The following CXADR variants were observed in gnomAD, a reference collection of about 807,000 sequenced individuals.
CXADR encodes coxsackievirus and adenovirus receptor.
Under a neutral mutation model 40.3 loss-of-function variants are expected in CXADR, and 20 were observed. That is an observed-to-expected ratio of 0.50 (90% CI 0.35 to 0.72). The LOEUF (loss-of-function observed/expected upper bound fraction) is 0.72. CXADR is among the 30% of genes least tolerant of loss of function. CXADR has a pLI of 0.01. For synonymous variants in CXADR, 150 were observed against 161.3 expected, an observed-to-expected ratio of 0.93 and a Z score of 0.53; for missense variants, 332 against 449.1, an observed-to-expected ratio of 0.74 and a Z score of 2.36.
chr21:17,626,693 C>G, the CXADR span, among the ~76,000 whole-genome samples: 5 of 152,172 alleles, frequency 3.3e-5, no homozygotes, highest in African/African-American at 1.2e-4. Context: ...GCACTTGAGT[C>G]AGCAAGTGCA....
At chr21:17,565,059 A>G (rs534748566) in intron 6 of CXADR, among the ~76,000 whole-genome samples, 61 of 152,180 alleles carry the variant, frequency 4.0e-4, no homozygotes, top group Non-Finnish European at 7.1e-4. Flanking sequence ...TGTTTTCTCA[A>G]CTATAAAGTG....
At chr21:17,610,180 A>G in the CXADR span, among the ~76,000 whole-genome samples, 2 of 152,242 alleles carry the variant, frequency 1.3e-5, no homozygotes, top group South Asian at 4.1e-4. Context: ...GGAAACCAAG[A>G]AAAGGAGCAT....
intron 7 of CXADR, among the ~76,000 whole-genome samples, chr21:17,578,853 TAC>T (rs1429464245): frequency 5.9e-5 from 9 of 152,066 alleles, no homozygotes; most frequent in African/African-American, 2.2e-4. Flanking sequence ...AAGGAAGCAG[TAC>T]ATTTTGCATA....
At chr21:17,629,285 T>A in the CXADR span, among the ~76,000 whole-genome samples, 1 of 145,890 alleles carries the variant, frequency 6.9e-6, no homozygotes, top group Non-Finnish European at 1.5e-5. Flanking sequence ...GAGGCTGAAG[T>A]GGAAGGATCG....
chr21:17,535,541 G>T (rs1377564494), intron 1 of CXADR, among the ~76,000 whole-genome samples: 1 of 152,200 alleles, frequency 6.6e-6, no homozygotes, highest in Middle Eastern at 3.4e-3. Flanking sequence ...TTCGAATTCA[G>T]CATTCACATT....
chr21:17,537,784 A>G (rs1294858121), intron 1 of CXADR, among the ~76,000 whole-genome samples: 1 of 152,126 alleles, frequency 6.6e-6, no homozygotes, highest in Non-Finnish European at 1.5e-5. Context: ...ACCAGTGATG[A>G]TCAAGAACAG....
chr21:17,558,386 G>T (rs1254429724), intron 3 of CXADR, among the ~76,000 whole-genome samples: 1 of 152,052 alleles, frequency 6.6e-6, no homozygotes, highest in Non-Finnish European at 1.5e-5. Flanking sequence ...CACTGTCTTG[G>T]CCTCCAAAGT....
intron 1 of CXADR, among the ~76,000 whole-genome samples, chr21:17,536,498 C>G (rs1180125766): frequency 6.6e-6 from 1 of 152,074 alleles, no homozygotes; most frequent in East Asian, 1.9e-4. Context: ...TCAGATAGCT[C>G]CTTCCTTTCA....
downstream of CXADR, among the ~76,000 whole-genome samples, chr21:17,598,051 C>T (rs1414190347): frequency 6.6e-6 from 1 of 152,058 alleles, no homozygotes; most frequent in Non-Finnish European, 1.5e-5. Context: ...GTTTGGTCAA[C>T]AATTTTTTAA....
At chr21:17,597,156 T>A (rs1457643917), downstream of CXADR, among the ~76,000 whole-genome samples, 1 of 152,084 alleles carries the variant, frequency 6.6e-6, no homozygotes, top group African/African-American at 2.4e-5. Context: ...ACCTTTCTGT[T>A]ATCCTAATAG....
rs1376145221 is a variant in CXADR, at chr21:17,561,494, G to A, written c.833+18G>A. ...GATATCAGGTAATTAAGTGAGACAG[G>A]AGTTGACTGATGTATACCAAATATA... is the stretch of plus-strand genomic sequence containing the variant. On this transcript the variant is annotated intron_variant, in intron 6 of 6. Transcript: ENST00000284878. 1 of 1,598,372 alleles carries A rather than the reference G, an allele frequency of 6.3e-7. No homozygotes were observed. Among genetic ancestry groups the A allele is most frequent in the East Asian group, 2.2e-5 (1 of 44,494 alleles).
intron 1 of CXADR, among the ~76,000 whole-genome samples, chr21:17,514,245 C>G (rs891775554): frequency 6.6e-6 from 1 of 151,948 alleles, no homozygotes; most frequent in Non-Finnish European, 1.5e-5. Flanking sequence ...GATCTAGTGG[C>G]CCTTTCTGTT....
chr21:17,541,524 T>C (rs2060828229), intron 1 of CXADR, among the ~76,000 whole-genome samples: 1 of 151,858 alleles, frequency 6.6e-6, no homozygotes, highest in South Asian at 2.1e-4. Flanking sequence ...CGCCACTACA[T>C]TCCAGCCCAG....
chr21:17,574,229 A>G (rs2061302251), downstream of CXADR, among the ~76,000 whole-genome samples: 1 of 152,192 alleles, frequency 6.6e-6, no homozygotes, highest in African/African-American at 2.4e-5. Context: ...TTCAATTTTG[A>G]TAATTTTTGA....
At chr21:17,572,299 G>A (rs998387303), downstream of CXADR, among the ~76,000 whole-genome samples, 1 of 151,590 alleles carries the variant, frequency 6.6e-6, no homozygotes, top group Non-Finnish European at 1.5e-5. Context: ...GAACCTGGGA[G>A]GCAGAGGTTG....
intron 3 of CXADR, among the ~76,000 whole-genome samples, chr21:17,557,215 T>C (rs2061047586): frequency 6.6e-6 from 1 of 152,062 alleles, no homozygotes; most frequent in Non-Finnish European, 1.5e-5. Context: ...TAGAAAACAT[T>C]GTCTCTCCCA....
At chr21:17,589,818 A>G (rs2061422396) in intron 7 of CXADR, among the ~76,000 whole-genome samples, 1 of 152,028 alleles carries the variant, frequency 6.6e-6, no homozygotes, top group Non-Finnish European at 1.5e-5. Flanking sequence ...TGATCAAGGG[A>G]TATATACTTC....
chr21:17,541,438 T>G (rs1033417838), intron 1 of CXADR, among the ~76,000 whole-genome samples: 2 of 151,932 alleles, frequency 1.3e-5, no homozygotes, highest in African/African-American at 4.8e-5. Flanking sequence ...GCACCTGTAG[T>G]CCCAGCTACC....
the CXADR span, among the ~76,000 whole-genome samples, chr21:17,608,437 G>A: frequency 6.6e-6 from 1 of 151,650 alleles, no homozygotes; most frequent in Non-Finnish European, 1.5e-5. Context: ...TGGATCACAG[G>A]TGAGTCACAT....
Sources: gnomAD v4.1 joint callset for allele counts (sites outside exome capture counted in the v4.1 genomes callset) on GRCh38, gnomAD v4.1.1 for gene constraint, MANE v1.5 for transcripts, NCBI Gene and HGNC (gene_info 2026-07-23, HGNC 2026-07-21) for gene names.